Variants in PRPF8 observed in about 807,000 individuals in gnomAD.
PRPF8 encodes pre-mRNA-processing-splicing factor 8.
Under a neutral mutation model 285.9 loss-of-function variants are expected in PRPF8, and 64 were observed. That is an observed-to-expected ratio of 0.22 (90% CI 0.18 to 0.28). The LOEUF (loss-of-function observed/expected upper bound fraction) is 0.28, where lower values mean the gene tolerates loss of function less well. Ranked by LOEUF, PRPF8 falls within the 10% of genes least tolerant of loss-of-function variation. The pLI, the probability that PRPF8 is intolerant of heterozygous loss-of-function variation, is 1.00. For synonymous variants in PRPF8, 1,325 were observed against 1,118.2 expected (o/e 1.18, Z -3.69); for missense variants, 1,426 against 3,026.7 (o/e 0.47, Z 12.41).
Position 1,660,544 on chromosome 17 carries a change from G to A in PRPF8, c.4673C>T (p.Thr1558Met), listed in dbSNP as rs763913212. Residue 1558 changes from threonine (T) to methionine (M), a missense_variant, in exon 30 of 43, where the codon ACG (threonine) becomes ATG (methionine). Around this residue, in one of 34 missense-constraint regions of PRPF8, gnomAD observed 15 missense variants for 63.7 expected, o/e 0.24. Transcript: ENST00000304992. ...GATCTTGCCGTGCATGAAGATACCC[G>A]TCAGGTCTAGCTGCACCTGAAAGCC... ...YVGFQVQLDLTGIFMHGKIPT... is the reference protein window; with the variant it reads ...YVGFQVQLDLMGIFMHGKIPT... The A allele has an allele frequency of 6.2e-7, 1 of 1,614,192 alleles. No individual in the cohort carries two copies. The highest frequency in any genetic ancestry group is 8.5e-7 in the Non-Finnish European group (1 of 1,180,036).
In PRPF8 at chr17:1,659,371, G is replaced by A. The variant is rs756918294; in HGVS notation, c.5124C>T (p.Ala1708=). Residue 1708 remains alanine, a synonymous_variant, in exon 32 of 43, where the codon GCC becomes GCT. Transcript: ENST00000304992. This position sits in a 1 kb window ranked among gnomAD's most constrained non-coding sequence, Gnocchi z 5.1. Reference sequence around the variant, plus strand: ...CCTCAACTCACCTGTGCAAGTTATAGGCCAGGTCAATGGCGATGAGTACAC... The same window carrying A: ...CCTCAACTCACCTGTGCAAGTTATAAGCCAGGTCAATGGCGATGAGTACAC... The part of the protein sequence containing the change: ...PTGVLIAIDL[A]YNLHSAYGNW... 4 of 1,613,938 alleles carry A rather than the reference G, an allele frequency of 2.5e-6. No individual in the cohort carries two copies. The East Asian group carries it at 8.9e-5, about 36-fold the overall frequency.
At chr17:1,684,753 G>C in intron 1 of PRPF8, 27 bp downstream of exon 1, 1 of 658,450 alleles carries the variant, frequency 1.5e-6, no homozygotes, top group Admixed American at 2.5e-5. Flanking sequence ...GCCTCCCGCA[G>C]CCCGGCCTTA....
At position 1,651,755 on chromosome 17, in the gene PRPF8, C is replaced by A; in HGVS notation, c.6403G>T (p.Asp2135Tyr). Reference sequence around the variant, plus strand: ...CGGATCTCCTTCACCTGGGGGTTATCTGGTGGGCTCACCCCATATAGGTAT... The same window carrying A: ...CGGATCTCCTTCACCTGGGGGTTATATGGTGGGCTCACCCCATATAGGTAT... ...AGYLYGVSPP[D>Y]NPQVKEIRCI... Residue 2135 changes from aspartate to tyrosine, a missense_variant, in exon 40 of 43, where the codon GAT (aspartate) becomes TAT (tyrosine). Asp to Tyr is a radical substitution (Grantham distance 160). Transcript: ENST00000304992. The surrounding 1 kb of genome is among the most constrained non-coding windows in gnomAD (Gnocchi z 5.1). The A allele has an allele frequency of 6.2e-7, 1 of 1,614,172 alleles. No individual in the cohort carries two copies. Among genetic ancestry groups the A allele is most frequent in the Non-Finnish European group, 8.5e-7 (1 of 1,180,034 alleles).
intron 24 of PRPF8, among the ~76,000 whole-genome samples, chr17:1,666,588 T>C (rs528655915): frequency 1.3e-5 from 2 of 149,506 alleles, no homozygotes; most frequent in Non-Finnish European, 3.0e-5. Flanking sequence ...AGAAAAACGA[T>C]AAAAATTAAT....
chr17:1,680,415 G>A (rs371142558), intron 8 of PRPF8: 6 of 468,004 alleles, frequency 1.3e-5, no homozygotes, highest in African/African-American at 1.2e-4. Flanking sequence ...TGGATAACTT[G>A]TATGGTATGT....
In PRPF8 at chr17:1,659,698, A is replaced by C; in HGVS notation, c.4946+143T>G. The C allele has an allele frequency of 7.4e-7, 1 of 1,347,992 alleles. No individual in the cohort carries two copies. The allele number at this position is 1,347,992 out of a possible 1,614,324, so 83.5% of individuals were successfully genotyped here. On this transcript the variant is annotated intron_variant, in intron 31 of 42. Coordinates refer to ENST00000304992, the MANE Select transcript of PRPF8 (RefSeq NM_006445.4). This position sits in a 1 kb window ranked among gnomAD's most constrained non-coding sequence, Gnocchi z 5.1. ...CCCCAGAGAATCAGCAGATCTGACT[A>C]AGGGTGTTGACAGGCTCCAAGCGTA... is the stretch of plus-strand genomic sequence containing the variant.
At position 1,676,984 on chromosome 17, in the gene PRPF8, G is replaced by A. The variant is rs2151128419; in HGVS notation, c.2173C>T (p.Pro725Ser). 1 of 1,613,872 alleles carries A rather than the reference G, an allele frequency of 6.2e-7. No individual in the cohort carries two copies. The highest frequency in any genetic ancestry group is 8.5e-7 in the Non-Finnish European group (1 of 1,180,026). ...AATAAAGAGACACCCACCTTCCAGG[G>A]AATGTTGGCTTTCCAGCAGCGCCAG... Reference protein sequence around the residue: ...EAWRCWKANIPWKVPGLPTPI... With the variant: ...EAWRCWKANISWKVPGLPTPI... The change falls in exon 15 of 43, where the codon CCC (proline) becomes TCC (serine). Residue 725 changes from proline to serine, a missense_variant. Pro to Ser is a moderately conservative substitution (Grantham distance 74). This residue lies in a region of PRPF8 where 30 missense variants were observed against 61.0 expected (regional missense o/e 0.49). Transcript: ENST00000304992. This position sits in a 1 kb window ranked among gnomAD's most constrained non-coding sequence, Gnocchi z 6.3.
intron 12 of PRPF8, 21 bp from the exon 13 acceptor site, chr17:1,678,673 C>T: frequency 6.2e-7 from 1 of 1,614,188 alleles, no homozygotes; most frequent in South Asian, 1.1e-5. Context: ...ATTGCCCCAT[C>T]AGACCTGGAG....
chr17:1,661,854 T>TCCC lies in PRPF8; in HGVS notation c.4022+49_4022+51dup. ...GCCTAAAACTAAAGAAATACCCACTTCCCTTAGGGCCTGAGCAATAGGGTT... is the reference window on the plus strand; with the variant it reads ...GCCTAAAACTAAAGAAATACCCACTTCCCCCCTTAGGGCCTGAGCAATAGGGTT... On this transcript the variant is annotated intron_variant, in intron 25 of 42. Coordinates refer to ENST00000304992, the MANE Select transcript of PRPF8 (RefSeq NM_006445.4). This position sits in a 1 kb window ranked among gnomAD's most constrained non-coding sequence, Gnocchi z 7.3. 6.2e-7 allele frequency: 1 copy of TCCC among 1,614,082 alleles called. No individual in the cohort carries two copies.
chr17:1,672,907 A>G (rs933691267), intron 24 of PRPF8, 174 bp downstream of exon 24: 2 of 682,410 alleles, frequency 2.9e-6, no homozygotes, highest in East Asian at 5.2e-5. Context: ...ACGCTCAGAA[A>G]ATAACGATGA....
chr17:1,679,356 C>T lies in PRPF8; in HGVS notation c.1344G>A (p.Gln448=). Residue 448 remains glutamine, a synonymous_variant, in exon 10 of 43, where the codon CAG becomes CAA. Transcript: ENST00000304992. This position sits in a 1 kb window ranked among gnomAD's most constrained non-coding sequence, Gnocchi z 4.7. ...TCAGCACATAGTACTTAAGCAGCTT[C>T]TGGTAGGAGACCCTCACTTTCACAG... ...GQPVKVRVSY[Q]KLLKYYVLNA... is the part of the protein sequence containing the mutation. The T allele has an allele frequency of 6.2e-7, 1 of 1,613,992 alleles. No individual in the cohort carries two copies. Among genetic ancestry groups the T allele is most frequent in the Non-Finnish European group, 8.5e-7 (1 of 1,180,022 alleles).
chr17:1,675,717 G>T lies in PRPF8; in HGVS notation c.2775C>A (p.Tyr925Ter). ...EKITDAYLDQYLWYEADKRRL... is the reference protein window; with the variant it reads ...EKITDAYLDQ ...GGCGCTTGTCGGCTTCATACCACAG[G>T]TACTGGTCCAGGTAAGCATCAGTTA... Residue 925 changes from tyrosine (Y) to a stop codon, truncating the protein, a stop_gained, in exon 19 of 43, where the codon TAC (tyrosine) becomes TAA (stop). Coordinates refer to ENST00000304992, the MANE Select transcript of PRPF8 (RefSeq NM_006445.4). LOFTEE classifies it high-confidence loss of function. This position sits in a 1 kb window ranked among gnomAD's most constrained non-coding sequence, Gnocchi z 6.0. 6.2e-7 allele frequency: 1 copy of T among 1,614,146 alleles called. No individual in the cohort carries two copies. The highest frequency in any genetic ancestry group is 8.5e-7 in the Non-Finnish European group (1 of 1,180,032).
Position 1,683,628 on chromosome 17 carries a change from C to T in PRPF8, c.174G>A (p.Lys58=), listed in dbSNP as rs745885288. The T allele has an allele frequency of 3.1e-6, 5 of 1,614,130 alleles. No homozygotes were observed. In the Admixed American group the frequency reaches 8.3e-5, roughly 27 times the overall value. ...KRKFGFVDAQ[K]EDMPPEHVRK... is the part of the protein sequence containing the mutation. The stretch of plus-strand genomic sequence containing the variant: ...TGACATGTTCTGGGGGCATGTCTTC[C>T]TTCTGGGCATCCACAAACCCAAACT... Residue 58 remains lysine, a synonymous_variant, in exon 3 of 43, where the codon AAG becomes AAA. Transcript: ENST00000304992.
chr17:1,657,100 CAA>C (rs781366719), intron 34 of PRPF8, among the ~76,000 whole-genome samples: 5 of 152,036 alleles, frequency 3.3e-5, no homozygotes, highest in Admixed American at 6.6e-5. Flanking sequence ...ATTAACAGAG[CAA>C]AGAGGGGAGT....
In PRPF8 at chr17:1,658,738, T is replaced by A; in HGVS notation, c.5164A>T (p.Ser1722Cys). 1 of 1,614,260 alleles carries A rather than the reference T, an allele frequency of 6.2e-7. No homozygotes were observed. Among genetic ancestry groups the A allele is most frequent in the Non-Finnish European group, 8.5e-7 (1 of 1,180,050 alleles). Reference sequence around the variant, plus strand: ...ATGGCCTGTTGTATGAGAGGCTTGCTGCCTGGGAACCAGTTTCCATAGGCA... The same window carrying A: ...ATGGCCTGTTGTATGAGAGGCTTGCAGCCTGGGAACCAGTTTCCATAGGCA... ...HSAYGNWFPG[S>C]KPLIQQAMAK... Residue 1722 changes from serine to cysteine, a missense_variant, in exon 33 of 43, where the codon AGC becomes TGC. Ser to Cys is a moderately radical substitution (Grantham distance 112, BLOSUM62 -1). Coordinates refer to ENST00000304992, the MANE Select transcript of PRPF8 (RefSeq NM_006445.4). The surrounding 1 kb of genome is among the most constrained non-coding windows in gnomAD (Gnocchi z 4.1).
At position 1,683,545 on chromosome 17, in the gene PRPF8, C is replaced by A; in HGVS notation, c.257G>T (p.Arg86Met). ...GGATGTTCCTTACCCCAAGTAAACC[C>A]TTTTGTCATGGCGGAACTTCCTGTT... Reference protein sequence around the residue: ...MTNRKFRHDKRVYLGALKYMP... With the variant: ...MTNRKFRHDKMVYLGALKYMP... The change falls in exon 3 of 43, where the codon AGG becomes ATG. Residue 86 changes from arginine to methionine, a missense_variant. Arg to Met is a moderately conservative substitution (Grantham distance 91, BLOSUM62 -1). Transcript: ENST00000304992. The A allele has an allele frequency of 6.2e-7, 1 of 1,614,144 alleles. No homozygotes were observed. Among genetic ancestry groups the A allele is most frequent in the Non-Finnish European group, 8.5e-7 (1 of 1,180,010 alleles).
In PRPF8 at chr17:1,673,431, G is replaced by C; in HGVS notation, c.3583C>G (p.Arg1195Gly). 6.2e-7 allele frequency: 1 copy of C among 1,614,112 alleles called. No individual in the cohort carries two copies. The change falls in exon 23 of 43, where the codon CGC becomes GGC. Residue 1195 changes from arginine to glycine, a missense_variant. Transcript: ENST00000304992. The surrounding 1 kb of genome is among the most constrained non-coding windows in gnomAD (Gnocchi z 5.5). ...LLFNMCGFEC[R>G]ILPKCRTSYE... ...CTGGTGCGGCACTTAGGCAGGATGC[G>C]GCACTCGAAGCCACACATGTTGAAC... is the stretch of plus-strand genomic sequence containing the variant.
In PRPF8 at chr17:1,651,245, C is replaced by T; in HGVS notation, c.6716G>A (p.Arg2239His). 6.2e-7 allele frequency: 1 copy of T among 1,614,050 alleles called. No homozygotes were observed. The change falls in exon 42 of 43, where the codon CGC (arginine) becomes CAC (histidine). Residue 2239 changes from arginine to histidine, a missense_variant. Coordinates refer to ENST00000304992, the MANE Select transcript of PRPF8 (RefSeq NM_006445.4). The surrounding 1 kb of genome is among the most constrained non-coding windows in gnomAD (Gnocchi z 5.1). ...GTTGTTGCCCTTGTCTGTGTTCTGG[C>T]GGCCCCATTCGTAGCCACTGGGGGT... The part of the protein sequence containing the change: ...KLTPSGYEWG[R>H]QNTDKGNNPK...
rs764356651 is a variant in PRPF8 at position 1,650,710 on chromosome 17, G to C, written c.*92C>G. ...GGTCAACAACACAAGCACAGACAGA[G>C]GGAAAGAGGCCAAACTGCTGAATGT... On this transcript the variant is annotated 3_prime_UTR_variant, in exon 43 of 43. Coordinates refer to ENST00000304992, the MANE Select transcript of PRPF8 (RefSeq NM_006445.4). 1.4e-6 allele frequency: 2 copies of C among 1,467,324 alleles called. No homozygotes were observed. The highest frequency in any genetic ancestry group is 1.9e-6 in the Non-Finnish European group (2 of 1,048,910). The allele number at this position is 1,467,324 out of a possible 1,614,324, so 90.9% of individuals were successfully genotyped here.
Sources: gnomAD v4.1 joint callset for allele counts (sites outside exome capture counted in the v4.1 genomes callset) on GRCh38, gnomAD v4.1.1 for gene constraint, gnomAD v4.1.1 regional missense constraint, Gnocchi (gnomAD v3.1) non-coding constraint, MANE v1.5 for transcripts, NCBI Gene and HGNC (gene_info 2026-07-23, HGNC 2026-07-21) for gene names.